KIF21A: variants seen among roughly 807,000 people sequenced by gnomAD.
KIF21A encodes kinesin family member 21A, also known as kinesin-like protein KIF21A.
In KIF21A, 114 loss-of-function variants were observed where a neutral mutation model predicts 202.9. The ratio of observed to expected loss-of-function variants is 0.56; its 90% confidence interval spans 0.48 to 0.66. KIF21A has a LOEUF of 0.66. Ranked by LOEUF, KIF21A falls within the 30% of genes least tolerant of loss-of-function variation. The probability of loss-of-function intolerance (pLI) is 0.00; values close to 1 mark genes in which losing one functional copy is unlikely to be tolerated. For synonymous variants in KIF21A, 667 were observed against 670.8 expected (o/e 0.99, Z 0.09); for missense variants, 1,677 against 1,994.9 (o/e 0.84, Z 3.04).
At chr12:39,404,662 G>C (rs1952441687) in intron 1 of KIF21A, among the ~76,000 whole-genome samples, 1 of 152,094 alleles carries the variant, frequency 6.6e-6, no homozygotes, top group Non-Finnish European at 1.5e-5. Context: ...CTACCATCCT[G>C]TTTCATTATA....
At chr12:39,383,047 G>C (rs975017361) in intron 1 of KIF21A, among the ~76,000 whole-genome samples, 3 of 152,198 alleles carry the variant, frequency 2.0e-5, no homozygotes, top group African/African-American at 7.2e-5. Flanking sequence ...GAAGTGAAAA[G>C]ATCCTTAGCA....
chr12:39,440,021 C>T (rs1939346444), intron 1 of KIF21A, among the ~76,000 whole-genome samples: 1 of 152,096 alleles, frequency 6.6e-6, no homozygotes, highest in Non-Finnish European at 1.5e-5. Flanking sequence ...TGTATATAGA[C>T]ACACGATTTT....
chr12:39,432,302 T>A (rs1938035828), intron 1 of KIF21A, among the ~76,000 whole-genome samples: 1 of 152,174 alleles, frequency 6.6e-6, no homozygotes. Flanking sequence ...CTGGAAAACA[T>A]CCTCAGTACC....
rs1944803416 is a variant in KIF21A, at chr12:39,318,302, G to A, written c.3780-101C>T. On this transcript the variant is annotated intron_variant, in intron 28 of 37. Transcript: ENST00000361418. ...TCTTTTAAAAAAAAGCTTTTTATTA[G>A]AGAACTCCTTCTTTCCTTTCTTCCT... The A allele has an allele frequency of 7.4e-6, 8 of 1,086,944 alleles. No individual in the cohort carries two copies. The South Asian group carries it at 9.4e-5, about 13-fold the overall frequency. 67.3% of individuals were successfully genotyped at this position (1,086,944 alleles called of 1,614,324 possible).
intron 1 of KIF21A, among the ~76,000 whole-genome samples, chr12:39,375,147 G>A (rs886120852): frequency 1.3e-5 from 2 of 152,070 alleles, no homozygotes; most frequent in Non-Finnish European, 2.9e-5. Context: ...TGTAATAACC[G>A]AAACTGGTTT....
intron 17 of KIF21A, among the ~76,000 whole-genome samples, chr12:39,335,996 G>A (rs1239822602): frequency 6.6e-6 from 1 of 151,458 alleles, no homozygotes; most frequent in Non-Finnish European, 1.5e-5. Flanking sequence ...CTTTATGCTC[G>A]TATTTTTCCA....
chr12:39,414,519 C>T lies in KIF21A; in HGVS notation c.44+28408G>A, dbSNP rs1180741878. On this transcript the variant is annotated intron_variant, in intron 1 of 37. Transcript: ENST00000361418. ...GCATCTCATCCAGTTAAACGTAAGA[C>T]CTAAAGATCAAATAGATACACTAGC... Among the ~76,000 whole-genome samples the T allele has an allele frequency of 2.0e-5, 3 of 152,018 alleles. No individual in the cohort carries two copies. In the East Asian group the frequency reaches 5.8e-4, roughly 29 times the overall value.
chr12:39,351,426 A>G lies in KIF21A; in HGVS notation c.1673+351T>C, dbSNP rs368791797. Among the ~76,000 whole-genome samples, 310 of 152,228 alleles carry G rather than the reference A, an allele frequency of 2.0e-3. 4 individuals carry two copies. Among genetic ancestry groups the G allele is most frequent in the African/African-American group, 7.1e-3 (297 of 41,562 alleles). On this transcript the variant is annotated intron_variant, in intron 11 of 37. Coordinates refer to ENST00000361418, the MANE Select transcript of KIF21A (RefSeq NM_001173464.2). ...TATTTAATTGCATTAGGAAATGGGGAAAAAATGAAAACACTGAGTTGTAAT... is the reference window on the plus strand; with the variant it reads ...TATTTAATTGCATTAGGAAATGGGGGAAAAATGAAAACACTGAGTTGTAAT...
intron 1 of KIF21A, among the ~76,000 whole-genome samples, chr12:39,416,657 G>A (rs1274880962): frequency 2.2e-5 from 3 of 136,464 alleles, no homozygotes; most frequent in Non-Finnish European, 4.6e-5. Flanking sequence ...ACATATATAT[G>A]TGTATATATA....
chr12:39,442,705 C>A lies in KIF21A; in HGVS notation c.44+222G>T, dbSNP rs942747908. ...GCGCCGCGCAGCCGCCAGCCACCTG[C>A]AAACACAGACGGCGTGAGGGCGGCG... is the stretch of plus-strand genomic sequence containing the variant. On this transcript the variant is annotated intron_variant, in intron 1 of 37. Transcript: ENST00000361418. This position sits in a 1 kb window ranked among gnomAD's most constrained non-coding sequence, Gnocchi z 5.0. Among the ~76,000 whole-genome samples the A allele has an allele frequency of 3.9e-5, 6 of 152,278 alleles. No homozygotes were observed. The highest frequency in any genetic ancestry group is 1.4e-4 in the African/African-American group (6 of 41,566).
At chr12:39,299,179 A>G (rs1942717611) in intron 37 of KIF21A, among the ~76,000 whole-genome samples, 1 of 152,140 alleles carries the variant, frequency 6.6e-6, no homozygotes. Flanking sequence ...CAGACAACCT[A>G]CAGAATGGGA....
At chr12:39,378,758 T>G (rs905660107) in intron 1 of KIF21A, among the ~76,000 whole-genome samples, 10 of 152,102 alleles carry the variant, frequency 6.6e-5, no homozygotes, top group Non-Finnish European at 1.2e-4. Flanking sequence ...GTAACCATGG[T>G]CAGAGGTAGG....
chr12:39,426,777 G>A (rs1954792933), intron 1 of KIF21A, among the ~76,000 whole-genome samples: 2 of 151,186 alleles, frequency 1.3e-5, no homozygotes, highest in Non-Finnish European at 2.9e-5. Context: ...CCAGCTACTT[G>A]GGAGGCTGAG....
At chr12:39,300,236 G>A (rs1942842012) in intron 37 of KIF21A, among the ~76,000 whole-genome samples, 2 of 152,152 alleles carry the variant, frequency 1.3e-5, no homozygotes, top group Admixed American at 1.3e-4. Flanking sequence ...TGTATTGGGT[G>A]TCCCACAGCC....
At chr12:39,370,009 C>T (rs555756860) in intron 2 of KIF21A, 30 bp downstream of exon 2, 2 of 1,600,894 alleles carry the variant, frequency 1.2e-6, no homozygotes, top group Non-Finnish European at 8.6e-7. Context: ...TGAAAAGTTT[C>T]AACTCCTATG....
At chr12:39,355,206 G>A (rs1426387774) in intron 10 of KIF21A, among the ~76,000 whole-genome samples, 1 of 152,176 alleles carries the variant, frequency 6.6e-6, no homozygotes, top group East Asian at 1.9e-4. Flanking sequence ...ATGGCTTAAG[G>A]AAGGAATAGT....
chr12:39,416,660 TATATATATATGTAC>T (rs1953659881), intron 1 of KIF21A, among the ~76,000 whole-genome samples: 6 of 91,958 alleles, frequency 6.5e-5, no homozygotes, highest in African/African-American at 2.6e-4. Context: ...TATATATGTG[TATATATATATGTAC>T]ATATATATGT....
chr12:39,331,557 A>T lies in KIF21A; in HGVS notation c.3153+133T>A. 5.8e-6 allele frequency: 4 copies of T among 694,382 alleles called. No individual in the cohort carries two copies. In the Admixed American group the frequency reaches 8.5e-5, roughly 15 times the overall value. 43.0% of individuals were successfully genotyped at this position (694,382 alleles called of 1,614,324 possible). On this transcript the variant is annotated intron_variant, in intron 22 of 37. Transcript: ENST00000361418. ...ACTCTTCCTGACTCTAAAGAAAGGTAAAAGAAATACTTTCCAATTATGAAT... is the reference window on the plus strand; with the variant it reads ...ACTCTTCCTGACTCTAAAGAAAGGTTAAAGAAATACTTTCCAATTATGAAT...
chr12:39,433,854 T>C (rs1007448881), intron 1 of KIF21A, among the ~76,000 whole-genome samples: 1 of 152,130 alleles, frequency 6.6e-6, no homozygotes, highest in Non-Finnish European at 1.5e-5. Context: ...ATCTTGGAAG[T>C]ATTTATATAT....
Sources: gnomAD v4.1 joint callset for allele counts (sites outside exome capture counted in the v4.1 genomes callset) on GRCh38, gnomAD v4.1.1 for gene constraint, Gnocchi (gnomAD v3.1) non-coding constraint, MANE v1.5 for transcripts, NCBI Gene and HGNC (gene_info 2026-07-23, HGNC 2026-07-21) for gene names.